TSPEAR: variants seen among roughly 807,000 people sequenced by gnomAD.
TSPEAR encodes the protein thrombospondin-type laminin G domain and EAR repeat-containing protein.
A neutral mutation model predicts 71.6 loss-of-function variants in TSPEAR; 69 were observed. The ratio of observed to expected loss-of-function variants is 0.96; its 90% confidence interval spans 0.79 to 1.18. The LOEUF is 1.18. Among genes scored for constraint, TSPEAR ranks in the 50% most tolerant of loss-of-function variants. The probability of loss-of-function intolerance (pLI) is 0.00; values close to 1 mark genes in which losing one functional copy is unlikely to be tolerated. For missense variants in TSPEAR, 971 were observed against 894.9 expected (o/e 1.09, Z -1.09); for synonymous variants, 402 against 387.2 (o/e 1.04, Z -0.45).
chr21:44,541,608 G>A (rs147806556), intron 2 of TSPEAR, among the ~76,000 whole-genome samples: 18 of 152,204 alleles, frequency 1.2e-4, no homozygotes, highest in Non-Finnish European at 2.9e-5. Context: ...CCGAGAGCCT[G>A]ATCAGCTGAG....
intron 1 of TSPEAR, chr21:44,613,003 G>A: frequency 7.2e-7 from 1 of 1,396,052 alleles, no homozygotes; most frequent in Non-Finnish European, 9.7e-7. Flanking sequence ...TGTCTCCCCT[G>A]TGCTGAGGTG....
intron 1 of TSPEAR, chr21:44,627,988 C>T (rs782610949): frequency 2.3e-5 from 37 of 1,611,120 alleles, no homozygotes; most frequent in Admixed American, 2.2e-4. Context: ...CCTTCTCTGC[C>T]GCCCTGTGTG....
intron 1 of TSPEAR, among the ~76,000 whole-genome samples, chr21:44,624,173 T>C (rs587726316): frequency 1.6e-4 from 24 of 152,358 alleles, no homozygotes; most frequent in Admixed American, 7.2e-4. Flanking sequence ...TCTTTGGTTT[T>C]GTCTAATATG....
rs115769523 is a variant in TSPEAR, at chr21:44,625,207, A to G, written c.83-57202T>C. Reference sequence around the variant, plus strand: ...ACTGAGTGGTGAACAAGACAACCACACTTCCTGCCCACATGAAGCTTACCT... The same window carrying G: ...ACTGAGTGGTGAACAAGACAACCACGCTTCCTGCCCACATGAAGCTTACCT... On this transcript the variant is annotated intron_variant, in intron 1 of 11. Transcript: ENST00000323084. Among the ~76,000 whole-genome samples the G allele has an allele frequency of 9.5e-3, 1,444 of 152,362 alleles. 16 individuals are homozygous for G. Among genetic ancestry groups the G allele is most frequent in the African/African-American group, 0.033 (1,358 of 41,580 alleles).
intron 9 of TSPEAR, chr21:44,518,723 C>T (rs1034082826): frequency 2.1e-6 from 1 of 470,024 alleles, no homozygotes; most frequent in African/African-American, 2.0e-5. Flanking sequence ...CCTACGTCTT[C>T]TTTCAGGATA....
At chr21:44,545,690 CAG>C (rs1263489259) in intron 2 of TSPEAR, among the ~76,000 whole-genome samples, 4 of 151,988 alleles carry the variant, frequency 2.6e-5, no homozygotes, top group Admixed American at 6.6e-5. Context: ...AAAGAGAAGA[CAG>C]AAAATACTTT....
intron 1 of TSPEAR, among the ~76,000 whole-genome samples, chr21:44,669,920 C>G (rs1555945575): frequency 6.6e-6 from 1 of 152,150 alleles, no homozygotes; most frequent in Admixed American, 6.5e-5. Flanking sequence ...GGCATTTAAC[C>G]TGAAGTAGAA....
chr21:44,697,485 G>T (rs782369480), intron 1 of TSPEAR: 1 of 1,614,052 alleles, frequency 6.2e-7, no homozygotes, highest in Admixed American at 1.7e-5. Context: ...CCGGCTTGCT[G>T]CACCTCCTCC....
At chr21:44,701,153 T>C (rs1277665560) in intron 1 of TSPEAR, among the ~76,000 whole-genome samples, 18 of 152,246 alleles carry the variant, frequency 1.2e-4, no homozygotes, top group Admixed American at 1.2e-3. Flanking sequence ...TTATTGTACA[T>C]ATCCATGGAG....
At chr21:44,689,740 T>TATATATATATATA (rs1555949490) in intron 1 of TSPEAR, among the ~76,000 whole-genome samples, 77 of 125,060 alleles carry the variant, frequency 6.2e-4, no homozygotes, top group South Asian at 7.9e-4. Context: ...TATATATATA[T>TATATATATATATA]TTTGGGGGGG....
In TSPEAR at chr21:44,593,229, G is replaced by A. The variant is rs587610201; in HGVS notation, c.83-25224C>T. ...CTGCAGAGTAACCGTGCTGAGCAGC[G>A]GGCGGTCAGCAGCCCTCGTCCCCGC... On this transcript the variant is annotated intron_variant, in intron 1 of 11. Coordinates refer to ENST00000323084, the MANE Select transcript of TSPEAR (RefSeq NM_144991.3). This position sits in a 1 kb window ranked among gnomAD's most constrained non-coding sequence, Gnocchi z 5.9. Among the ~76,000 whole-genome samples the A allele has an allele frequency of 2.2e-4, 33 of 152,264 alleles. No homozygotes were observed. The highest frequency in any genetic ancestry group is 1.5e-3 in the South Asian group (7 of 4,812).
At chr21:44,542,672 G>A (rs1020738381) in intron 2 of TSPEAR, among the ~76,000 whole-genome samples, 6 of 151,012 alleles carry the variant, frequency 4.0e-5, no homozygotes, top group Non-Finnish European at 7.4e-5. Context: ...CTTGAGCCTG[G>A]GAGGTAGAGG....
chr21:44,618,549 A>G (rs1056722994), intron 1 of TSPEAR, among the ~76,000 whole-genome samples: 8 of 152,338 alleles, frequency 5.3e-5, no homozygotes, highest in African/African-American at 1.7e-4. Flanking sequence ...ACAGAGCCCA[A>G]TAGGAGAACC....
rs1337649618 is a variant in TSPEAR at position 44,546,566 on chromosome 21, G to A, written c.304-12643C>T. 6.6e-6 allele frequency among the ~76,000 whole-genome samples: 1 copy of A among 152,228 alleles called. No homozygotes were observed. The highest frequency in any genetic ancestry group is 2.4e-5 in the African/African-American group (1 of 41,460). ...GATGGTCTCAATCTCCTGACCTCGT[G>A]ATCCACCTGCCTTGGCCTCCCAAAG... is the stretch of plus-strand genomic sequence containing the variant. On this transcript the variant is annotated intron_variant, in intron 2 of 11. Transcript: ENST00000323084. This position sits in a 1 kb window ranked among gnomAD's most constrained non-coding sequence, Gnocchi z 4.4.
In TSPEAR at chr21:44,588,412, T is replaced by C. The variant is rs587740040; in HGVS notation, c.83-20407A>G. On this transcript the variant is annotated intron_variant, in intron 1 of 11. Transcript: ENST00000323084. ...CACAGATGTGGTGAACAGGGAAGAC[T>C]TCTACACTCCTGGTGGGAATGTAAA... Among the ~76,000 whole-genome samples the C allele has an allele frequency of 1.2e-3, 180 of 152,176 alleles. 1 individual carries two copies. The Middle Eastern group carries it at 0.014, about 12-fold the overall frequency.
intron 1 of TSPEAR, among the ~76,000 whole-genome samples, chr21:44,606,120 T>G (rs1306192932): frequency 1.4e-5 from 1 of 71,942 alleles, no homozygotes. Context: ...TAACCCAATC[T>G]AAAAATGGAC....
chr21:44,521,723 CAG>C (rs1555914276), intron 9 of TSPEAR, among the ~76,000 whole-genome samples, 158 bp downstream of exon 9: 1 of 152,168 alleles, frequency 6.6e-6, no homozygotes, highest in Non-Finnish European at 1.5e-5. Context: ...CTGTGCCGTC[CAG>C]AGGAGCAGGC....
chr21:44,516,927 C>G (rs192883349), intron 9 of TSPEAR, among the ~76,000 whole-genome samples: 2 of 152,320 alleles, frequency 1.3e-5, no homozygotes, highest in East Asian at 1.9e-4. Context: ...ACGCTCCCAG[C>G]TCTCCCATCT....
intron 1 of TSPEAR, chr21:44,637,348 C>T (rs1340743408): frequency 3.2e-6 from 5 of 1,548,628 alleles, no homozygotes; most frequent in East Asian, 2.3e-5. Context: ...CTGACAGGCT[C>T]ACACACACAC....
Sources: allele counts gnomAD v4.1 joint callset (sites outside exome capture counted in the v4.1 genomes callset), GRCh38; gene constraint gnomAD v4.1.1; non-coding constraint Gnocchi (gnomAD v3.1); transcripts MANE v1.5; gene names NCBI Gene and HGNC (gene_info 2026-07-23, HGNC 2026-07-21).